The following ZNF385D variants were observed in gnomAD, a reference collection of about 807,000 sequenced individuals.
ZNF385D encodes the protein zinc finger protein 385D, also known as zinc finger protein 659.
In ZNF385D, 15 loss-of-function variants were observed where a neutral mutation model predicts 35.8. The observed-to-expected ratio is 0.42, with a 90% CI of 0.28 to 0.64. The LOEUF (loss-of-function observed/expected upper bound fraction) is 0.64, where lower values mean the gene tolerates loss of function less well. Among genes scored for constraint, ZNF385D ranks in the 30% least tolerant of loss-of-function variants. The pLI, the probability that ZNF385D is intolerant of heterozygous loss-of-function variation, is 0.23. For missense variants in ZNF385D, 474 were observed against 494.6 expected (o/e 0.96, Z 0.39); for synonymous variants, 212 against 186.8 (o/e 1.13, Z -1.10).
intron 3 of ZNF385D, among the ~76,000 whole-genome samples, chr3:21,947,742 G>A (rs1399385365): frequency 2.0e-5 from 3 of 151,974 alleles, no homozygotes; most frequent in Non-Finnish European, 2.9e-5. Flanking sequence ...TCTATCATCT[G>A]TATTTTTGTT....
At chr3:22,065,574 G>T (rs1368425821) in intron 3 of ZNF385D, among the ~76,000 whole-genome samples, 2 of 152,088 alleles carry the variant, frequency 1.3e-5, no homozygotes, top group Non-Finnish European at 2.9e-5. Flanking sequence ...TTACACAAGA[G>T]GAAATTGGGC....
At position 22,075,268 on chromosome 3, in the gene ZNF385D, C is replaced by T. The variant is rs367833474; in HGVS notation, c.325+93549G>A. Among the ~76,000 whole-genome samples the T allele has an allele frequency of 5.3e-5, 8 of 151,974 alleles. No homozygotes were observed. The South Asian group carries it at 1.7e-3, about 32-fold the overall frequency. ...CTTCAGTTTAGATGCACACTCTAAT[C>T]ACTTAACTTAAAAAATTTTCCTTTC... is the stretch of plus-strand genomic sequence containing the variant. On this transcript the variant is annotated intron_variant, in intron 3 of 5. Coordinates refer to the ZNF385D transcript ENST00000494108.
intron 3 of ZNF385D, among the ~76,000 whole-genome samples, chr3:22,022,177 G>A (rs1466266845): frequency 6.6e-6 from 1 of 151,974 alleles, no homozygotes; most frequent in Admixed American, 6.6e-5. Flanking sequence ...ATCTCAGAAG[G>A]TTACTGTAAA....
At chr3:21,566,141 T>C (rs982414411) in intron 2 of ZNF385D, among the ~76,000 whole-genome samples, 1 of 152,222 alleles carries the variant, frequency 6.6e-6, no homozygotes, top group African/African-American at 2.4e-5. Context: ...ATTATAATGC[T>C]TTCCATAGGC....
At chr3:22,231,035 G>A (rs147794609) in intron 2 of ZNF385D, among the ~76,000 whole-genome samples, 34 of 152,238 alleles carry the variant, frequency 2.2e-4, no homozygotes, top group Admixed American at 1.9e-3. Context: ...CCAATATTGG[G>A]AGAAAATGAC....
At chr3:21,642,826 T>G (rs954357396) in intron 2 of ZNF385D, among the ~76,000 whole-genome samples, 1 of 152,094 alleles carries the variant, frequency 6.6e-6, no homozygotes, top group African/African-American at 2.4e-5. Flanking sequence ...GACATTATAC[T>G]AAGTAAACCA....
chr3:21,987,350 T>G (rs1576091099), intron 3 of ZNF385D, among the ~76,000 whole-genome samples: 1 of 124,626 alleles, frequency 8.0e-6, no homozygotes, highest in Admixed American at 7.1e-5. Context: ...AGGAGCTCTT[T>G]TAGGGCAGGT....
At chr3:21,852,940 C>T (rs1696477705) in intron 3 of ZNF385D, among the ~76,000 whole-genome samples, 1 of 151,834 alleles carries the variant, frequency 6.6e-6, no homozygotes, top group Non-Finnish European at 1.5e-5. Context: ...ACATCCAAGT[C>T]TAGAAATCAG....
chr3:21,626,206 G>A (rs1532129), intron 2 of ZNF385D, among the ~76,000 whole-genome samples: 7 of 152,040 alleles, frequency 4.6e-5, no homozygotes, highest in Non-Finnish European at 8.8e-5. Context: ...GTCAGAGGCA[G>A]AGGTTGTAGA....
chr3:22,205,244 T>C (rs1284466236), intron 2 of ZNF385D, among the ~76,000 whole-genome samples: 1 of 152,044 alleles, frequency 6.6e-6, no homozygotes, highest in Non-Finnish European at 1.5e-5. Context: ...AAAAATATTT[T>C]ATCCTAGAAT....
chr3:21,888,652 A>C (rs1698679462), intron 3 of ZNF385D, among the ~76,000 whole-genome samples: 1 of 152,220 alleles, frequency 6.6e-6, no homozygotes, highest in Non-Finnish European at 1.5e-5. Context: ...CTTGGCTAAA[A>C]AGGAAACAGA....
chr3:22,164,748 G>T (rs973290922), intron 3 of ZNF385D, among the ~76,000 whole-genome samples: 8 of 151,822 alleles, frequency 5.3e-5, no homozygotes, highest in African/African-American at 1.9e-4. Flanking sequence ...AGAAAAGTAT[G>T]ATATAGCCAT....
At chr3:21,513,197 A>G (rs1331505218) in intron 3 of ZNF385D, among the ~76,000 whole-genome samples, 2 of 152,170 alleles carry the variant, frequency 1.3e-5, no homozygotes, top group Non-Finnish European at 2.9e-5. Context: ...ACAAGTTAAG[A>G]AAGTCTTACA....
intron 5 of ZNF385D, among the ~76,000 whole-genome samples, chr3:21,436,219 GAACCAA>G: frequency 6.6e-6 from 1 of 151,972 alleles, no homozygotes; most frequent in East Asian, 1.9e-4. Context: ...CAGCAAGATG[GAACCAA>G]AATATATGGG....
chr3:21,662,162 C>A (rs748741900), intron 2 of ZNF385D, among the ~76,000 whole-genome samples: 3 of 152,078 alleles, frequency 2.0e-5, no homozygotes, highest in Non-Finnish European at 4.4e-5. Context: ...GAAGGGATAG[C>A]TGTATTGTGG....
intron 2 of ZNF385D, among the ~76,000 whole-genome samples, chr3:21,654,093 C>A (rs759207422): frequency 6.6e-6 from 1 of 151,298 alleles, no homozygotes; most frequent in African/African-American, 2.4e-5. Flanking sequence ...CTTTTACCTT[C>A]CATTTAAAAA....
intron 3 of ZNF385D, among the ~76,000 whole-genome samples, chr3:21,950,509 C>A (rs1702012353): frequency 6.6e-6 from 1 of 151,726 alleles, no homozygotes; most frequent in African/African-American, 2.4e-5. Context: ...GTTGCCTGTT[C>A]ACTCTGATGA....
At chr3:21,528,544 T>C (rs1452979809) in intron 3 of ZNF385D, among the ~76,000 whole-genome samples, 1 of 152,190 alleles carries the variant, frequency 6.6e-6, no homozygotes, top group Non-Finnish European at 1.5e-5. Flanking sequence ...CCATTAAATA[T>C]ATTAAAACAA....
chr3:21,564,094 C>T (rs1305538824), intron 3 of ZNF385D, among the ~76,000 whole-genome samples: 1 of 152,128 alleles, frequency 6.6e-6, no homozygotes, highest in South Asian at 2.1e-4. Flanking sequence ...CCTAGGACAA[C>T]TTGAGTGCTT....
Sources: allele counts gnomAD v4.1 joint callset (sites outside exome capture counted in the v4.1 genomes callset), GRCh38; gene constraint gnomAD v4.1.1; transcripts MANE v1.5; gene names NCBI Gene and HGNC (gene_info 2026-07-23, HGNC 2026-07-21).